Variants in BANK1 observed in about 807,000 individuals in gnomAD.
BANK1 encodes the protein B cell scaffold protein with ankyrin repeats 1.
A neutral mutation model predicts 94.5 loss-of-function variants in BANK1; 95 were observed. The ratio of observed to expected loss-of-function variants is 1.00; its 90% confidence interval spans 0.85 to 1.19. The LOEUF is 1.19. BANK1 is among the 50% of genes most tolerant of loss of function. BANK1 has a pLI of 0.00. For synonymous variants in BANK1, 334 were observed against 308.4 expected (o/e 1.08, Z -0.87); for missense variants, 987 against 932.2 (o/e 1.06, Z -0.77).
At chr4:101,881,917 C>G (rs1233712907) in intron 5 of BANK1, among the ~76,000 whole-genome samples, 4 of 147,836 alleles carry the variant, frequency 2.7e-5, no homozygotes, top group African/African-American at 1.0e-4. Flanking sequence ...TTACCAGAGG[C>G]TGGAATGATT....
intron 10 of BANK1, among the ~76,000 whole-genome samples, chr4:102,041,271 A>C (rs1727694500): frequency 6.6e-6 from 1 of 152,086 alleles, no homozygotes; most frequent in South Asian, 2.1e-4. Flanking sequence ...TAGGAACTAT[A>C]AAGATAGAAA....
intron 11 of BANK1, among the ~76,000 whole-genome samples, chr4:102,053,971 CAT>C (rs760647325): frequency 2.6e-5 from 4 of 151,712 alleles, no homozygotes; most frequent in Admixed American, 6.6e-5. Context: ...TATACAAATA[CAT>C]ATATATGTCT....
chr4:101,969,505 T>A (rs137929224), intron 7 of BANK1, among the ~76,000 whole-genome samples: 75 of 152,266 alleles, frequency 4.9e-4, no homozygotes, highest in Middle Eastern at 3.4e-3. Flanking sequence ...TTTTGGTTAG[T>A]TATTAAAAGT....
intron 7 of BANK1, among the ~76,000 whole-genome samples, chr4:101,944,072 GAC>G (rs1723847124): frequency 6.6e-6 from 1 of 151,438 alleles, no homozygotes. Flanking sequence ...GAGACAGACA[GAC>G]AGAGAGAGAG....
intron 7 of BANK1, among the ~76,000 whole-genome samples, chr4:101,957,996 C>T (rs1578420798): frequency 6.6e-6 from 1 of 151,936 alleles, no homozygotes; most frequent in African/African-American, 2.4e-5. Flanking sequence ...AGGTGCCTGC[C>T]ACCACGTCTG....
At chr4:101,839,937 A>T (rs867187894) in intron 2 of BANK1, among the ~76,000 whole-genome samples, 2,473 of 53,056 alleles carry the variant, frequency 0.047, 70 homozygotes, top group African/African-American at 0.17. Flanking sequence ...CAAATATTTA[A>T]TTTTTTTTTT....
intron 7 of BANK1, among the ~76,000 whole-genome samples, chr4:102,002,286 T>C (rs562063577): frequency 6.6e-6 from 1 of 152,254 alleles, no homozygotes; most frequent in Admixed American, 6.5e-5. Context: ...GCTTCGTTTT[T>C]AAATCCCATT....
At chr4:102,016,243 A>C (rs1199226530) in intron 7 of BANK1, among the ~76,000 whole-genome samples, 1 of 152,090 alleles carries the variant, frequency 6.6e-6, no homozygotes, top group Non-Finnish European at 1.5e-5. Context: ...TGTATGTTTC[A>C]TTTTGCCTAA....
intron 7 of BANK1, among the ~76,000 whole-genome samples, chr4:101,946,958 A>T (rs1285770286): frequency 6.6e-6 from 1 of 151,870 alleles, no homozygotes; most frequent in East Asian, 2.0e-4. Flanking sequence ...TGAACTTAGT[A>T]GTTTGGTAGA....
intron 15 of BANK1, 122 bp from the exon 16 acceptor site, chr4:102,073,562 C>T (rs1728824114): frequency 2.6e-6 from 2 of 771,922 alleles, no homozygotes; most frequent in Non-Finnish European, 4.1e-6. Context: ...TGCCAGTTTT[C>T]TCTGCAAAGC....
At chr4:101,893,005 A>G (rs1721932158) in intron 5 of BANK1, among the ~76,000 whole-genome samples, 1 of 152,018 alleles carries the variant, frequency 6.6e-6, no homozygotes. Context: ...TTTATGTGCA[A>G]GCATAATACT....
At chr4:101,814,887 T>C (rs1725849746) in intron 1 of BANK1, among the ~76,000 whole-genome samples, 1 of 152,214 alleles carries the variant, frequency 6.6e-6, no homozygotes, top group Non-Finnish European at 1.5e-5. Flanking sequence ...TTCAGTGTAC[T>C]TTGAAATGTG....
intron 7 of BANK1, among the ~76,000 whole-genome samples, chr4:101,929,550 A>G (rs1470638213): frequency 6.6e-6 from 1 of 151,634 alleles, no homozygotes; most frequent in Non-Finnish European, 1.5e-5. Context: ...TGTAGGAAAC[A>G]ATATTTATCA....
chr4:102,010,072 C>A (rs1320511584), intron 7 of BANK1, among the ~76,000 whole-genome samples: 9 of 151,630 alleles, frequency 5.9e-5, no homozygotes, highest in African/African-American at 2.2e-4. Flanking sequence ...CGAGACCATC[C>A]TGGCTAACAC....
chr4:101,902,143 C>T (rs983040849), intron 6 of BANK1, among the ~76,000 whole-genome samples: 32 of 152,084 alleles, frequency 2.1e-4, no homozygotes, highest in African/African-American at 7.2e-4. Flanking sequence ...AAAATGTGAC[C>T]TGGAAAGATG....
chr4:101,947,288 T>A (rs987020894), intron 7 of BANK1, among the ~76,000 whole-genome samples: 1 of 19,834 alleles, frequency 5.0e-5, no homozygotes, highest in Admixed American at 7.6e-4. Flanking sequence ...GTTGTAAATA[T>A]ATATATATAT....
chr4:102,046,424 T>C (rs1170183840), intron 11 of BANK1, among the ~76,000 whole-genome samples: 2 of 152,106 alleles, frequency 1.3e-5, no homozygotes, highest in East Asian at 3.9e-4. Flanking sequence ...TTTGTGATAG[T>C]GTTGTCGATG....
At chr4:101,840,263 C>T (rs1246544323) in intron 2 of BANK1, among the ~76,000 whole-genome samples, 4 of 151,908 alleles carry the variant, frequency 2.6e-5, no homozygotes, top group South Asian at 2.1e-4. Flanking sequence ...CCACCGCGCC[C>T]GGCCAAATAT....
intron 13 of BANK1, among the ~76,000 whole-genome samples, chr4:102,063,511 T>C (rs925932579): frequency 6.6e-6 from 1 of 152,084 alleles, no homozygotes; most frequent in Non-Finnish European, 1.5e-5. Context: ...CTCTGCTCAA[T>C]TTTTTAATGA....
Sources: allele counts gnomAD v4.1 joint callset (sites outside exome capture counted in the v4.1 genomes callset), GRCh38; gene constraint gnomAD v4.1.1; transcripts MANE v1.5; gene names NCBI Gene and HGNC (gene_info 2026-07-23, HGNC 2026-07-21).